The following LYST variants were observed in gnomAD, a reference collection of about 807,000 sequenced individuals.
The protein encoded by LYST is lysosomal trafficking regulator, also known as lysosomal-trafficking regulator.
In LYST, 192 loss-of-function variants were observed where a neutral mutation model predicts 413.6. That is an observed-to-expected ratio of 0.46 (90% CI 0.41 to 0.52). The LOEUF (loss-of-function observed/expected upper bound fraction) is 0.52. Ranked by LOEUF, LYST falls within the 20% of genes least tolerant of loss-of-function variation. The pLI, the probability that LYST is intolerant of heterozygous loss-of-function variation, is 0.00. For synonymous variants in LYST, 1,525 were observed against 1,567.3 expected (o/e 0.97, Z 0.64); for missense variants, 3,815 against 4,499.9 (o/e 0.85, Z 4.35).
In LYST at chr1:235,759,548, C is replaced by T. The variant is rs201095810; in HGVS notation, c.6305G>A (p.Arg2102His). 1.1e-5 allele frequency: 18 copies of T among 1,613,504 alleles called. No individual in the cohort carries two copies. Among genetic ancestry groups the T allele is most frequent in the East Asian group, 1.1e-4 (5 of 44,864 alleles). The change falls in exon 23 of 53, where the codon CGT becomes CAT. Residue 2102 changes from arginine to histidine, a missense_variant. By Grantham distance (29) the Arg-to-His change is conservative (BLOSUM62 0). Around this residue, in one of 4 missense-constraint regions of LYST, gnomAD observed 530 missense variants for 696.5 expected, o/e 0.76. Coordinates refer to ENST00000389793, the MANE Select transcript of LYST (RefSeq NM_000081.4). ...IPQQMAAHMLRSRSLPAFPTS... is the reference protein window; with the variant it reads ...IPQQMAAHMLHSRSLPAFPTS... Reference sequence around the variant, plus strand: ...AGGGAATGCTGGTAGGCTTCTAGAACGCAGCATATGGGCGGCCATCTGTTG... The same window carrying T: ...AGGGAATGCTGGTAGGCTTCTAGAATGCAGCATATGGGCGGCCATCTGTTG...
In LYST at chr1:235,830,408, C is replaced by T. The variant is rs141312203; in HGVS notation, c.10G>A (p.Asp4Asn). 49 of 1,611,656 alleles carry T rather than the reference C, an allele frequency of 3.0e-5. No individual in the cohort carries two copies. The African/African-American group carries it at 5.0e-4, about 16-fold the overall frequency. The change falls in exon 3 of 53, where the codon GAC becomes AAC. Residue 4 changes from aspartate to asparagine, a missense_variant. Around this residue, in one of 4 missense-constraint regions of LYST, gnomAD observed 1,648 missense variants for 1,810.3 expected, o/e 0.91. Transcript: ENST00000389793. MST[D>N]SNSLAREFLT... ...AATTCACGTGCCAGTGAGTTACTGT[C>T]GGTGCTCATGACCGAGCTATAAAAT... is the stretch of plus-strand genomic sequence containing the variant.
rs747022808 is a variant in LYST, at chr1:235,808,921, T to A, written c.1897A>T (p.Lys633Ter). ...LGGAEISPKI[K>*]KAACNICTVD... ...GTACAAATATTACAAGCTGCTTTTT[T>A]AATTTTTGGTGATATCTCTGCTCCT... is the stretch of plus-strand genomic sequence containing the variant. Residue 633 changes from lysine (K) to a stop codon, truncating the protein, a stop_gained, in exon 5 of 53, where the codon AAA (lysine) becomes TAA (stop). Coordinates refer to ENST00000389793, the MANE Select transcript of LYST (RefSeq NM_000081.4). LOFTEE classifies it high-confidence loss of function. 3.7e-6 allele frequency: 6 copies of A among 1,612,538 alleles called. No individual in the cohort carries two copies. The Admixed American group carries it at 8.4e-5, about 22-fold the overall frequency.
At position 235,662,866 on chromosome 1, in the gene LYST, C is replaced by G. The variant is rs1359713975; in HGVS notation, c.*74G>C. 1.2e-6 allele frequency: 1 copy of G among 851,728 alleles called. No individual in the cohort carries two copies. Among genetic ancestry groups the G allele is most frequent in the African/African-American group, 1.7e-5 (1 of 60,416 alleles). The allele number at this position is 851,728 out of a possible 1,614,324, so 52.8% of individuals were successfully genotyped here. A position where few individuals can be genotyped will look rare whatever the true frequency, so the allele number is the denominator to read the frequency against. Reference sequence around the variant, plus strand: ...AGTCATCCATTTCTTTAGGTTCAACCTCCTAAAACTGGTGAAGTCAACAAA... The same window carrying G: ...AGTCATCCATTTCTTTAGGTTCAACGTCCTAAAACTGGTGAAGTCAACAAA... On this transcript the variant is annotated 3_prime_UTR_variant, in exon 53 of 53. Coordinates refer to ENST00000389793, the MANE Select transcript of LYST (RefSeq NM_000081.4).
intron 50 of LYST, among the ~76,000 whole-genome samples, chr1:235,665,603 ACTCTAT>A (rs1212661741): frequency 1.6e-5 from 2 of 121,276 alleles, no homozygotes; most frequent in Admixed American, 9.2e-5. Context: ...CAGAGCAGAG[ACTCTAT>A]CTCAAAAAAA....
intron 25 of LYST, among the ~76,000 whole-genome samples, chr1:235,755,262 G>A (rs879494492): frequency 2.0e-5 from 3 of 151,836 alleles, no homozygotes; most frequent in Non-Finnish European, 4.4e-5. Flanking sequence ...GGTGGTACGT[G>A]CCTGTAATCC....
intron 18 of LYST, 36 bp downstream of exon 18, chr1:235,774,877 T>G (rs201950277): frequency 1.5e-6 from 2 of 1,377,034 alleles, no homozygotes; most frequent in East Asian, 4.6e-5. Flanking sequence ...TATCACTGCA[T>G]ATGAAACTAT....
In LYST at chr1:235,730,856, T is replaced by G; in HGVS notation, c.9035A>C (p.Glu3012Ala). 1 of 1,601,984 alleles carries G rather than the reference T, an allele frequency of 6.2e-7. No homozygotes were observed. Among genetic ancestry groups the G allele is most frequent in the Non-Finnish European group, 8.6e-7 (1 of 1,169,088 alleles). ...ATTGATTCAAAGTTACCTTATAGAT[T>G]CACTTGCAGCTTTGTCTTTGACAGT... ...SSTVKDKAAS[E>A]SIRVNRRCIS... The change falls in exon 36 of 53, where the codon GAA (glutamate) becomes GCA (alanine). Residue 3012 changes from glutamate to alanine, a missense_variant. Physicochemically the swap from Glu to Ala is moderately radical, Grantham distance 107. This residue lies in a region of LYST where 866 missense variants were observed against 1,156.0 expected (regional missense o/e 0.75). Transcript: ENST00000389793.
chr1:235,804,647 T>G lies in LYST; in HGVS notation c.3412A>C (p.Ile1138Leu). 6.2e-7 allele frequency: 1 copy of G among 1,605,226 alleles called. No homozygotes were observed. Among genetic ancestry groups the G allele is most frequent in the African/African-American group, 1.3e-5 (1 of 74,828 alleles). Residue 1138 changes from isoleucine to leucine, a missense_variant, in exon 7 of 53, where the codon ATA becomes CTA. Physicochemically the swap from Ile to Leu is conservative, Grantham distance 5 (BLOSUM62 2). Around this residue, in one of 4 missense-constraint regions of LYST, gnomAD observed 1,648 missense variants for 1,810.3 expected, o/e 0.91. Coordinates refer to ENST00000389793, the MANE Select transcript of LYST (RefSeq NM_000081.4). Reference sequence around the variant, plus strand: ...AGATGGTCCCTCATTTCAAATAATATACTTTCCACAGACAAGTTCTAAGGT... The same window carrying G: ...AGATGGTCCCTCATTTCAAATAATAGACTTTCCACAGACAAGTTCTAAGGT... The part of the protein sequence containing the change: ...LPNQNLSVES[I>L]LFEMRDHLSQ...
At chr1:235,755,320 C>T (rs573872430) in intron 25 of LYST, among the ~76,000 whole-genome samples, 158 bp downstream of exon 25, 10 of 150,978 alleles carry the variant, frequency 6.6e-5, no homozygotes, top group African/African-American at 2.2e-4. Context: ...ACCTGGGAGG[C>T]GGAAGTTGCA....
At chr1:235,822,864 T>C (rs1315635733) in intron 3 of LYST, among the ~76,000 whole-genome samples, 2 of 152,196 alleles carry the variant, frequency 1.3e-5, no homozygotes, top group African/African-American at 4.8e-5. Flanking sequence ...AAGCTGAGTC[T>C]AGCCTACTGA....
At chr1:235,774,595 G>A (rs1294267251) in intron 18 of LYST, among the ~76,000 whole-genome samples, 1 of 152,124 alleles carries the variant, frequency 6.6e-6, no homozygotes, top group African/African-American at 2.4e-5. Context: ...CATAAGGGTG[G>A]GAGCTAAAGC....
At chr1:235,744,223 A>G in intron 29 of LYST, 66 bp from the exon 30 acceptor site, 2 of 827,542 alleles carry the variant, frequency 2.4e-6, no homozygotes, top group Non-Finnish European at 4.1e-6. Context: ...ATAAATAGTA[A>G]TAATACTGGT....
At chr1:235,720,468 GA>G (rs993418476) in intron 40 of LYST, among the ~76,000 whole-genome samples, 192 bp downstream of exon 40, 12 of 151,836 alleles carry the variant, frequency 7.9e-5, no homozygotes, top group African/African-American at 2.7e-4. Context: ...CCTTAAATAA[GA>G]AAAAAAAGTT....
intron 1 of LYST, among the ~76,000 whole-genome samples, chr1:235,840,513 A>G (rs1283742114): frequency 6.6e-6 from 1 of 152,226 alleles, no homozygotes; most frequent in Non-Finnish European, 1.5e-5. Context: ...AGAATCACCT[A>G]TAGAGTTTGT....
At chr1:235,680,473 G>A (rs1180473720) in intron 48 of LYST, among the ~76,000 whole-genome samples, 1 of 151,852 alleles carries the variant, frequency 6.6e-6, no homozygotes, top group East Asian at 1.9e-4. Flanking sequence ...TGCTGCCCAA[G>A]CTGGTCTCAA....
At chr1:235,847,076 G>A (rs950114438) in intron 1 of LYST, among the ~76,000 whole-genome samples, 1 of 152,144 alleles carries the variant, frequency 6.6e-6, no homozygotes, top group Admixed American at 6.6e-5. Context: ...ACATTGTCAT[G>A]AGGTTATCCA....
At chr1:235,864,743 GC>G (rs1172227463) in intron 1 of LYST, among the ~76,000 whole-genome samples, 2 of 152,194 alleles carry the variant, frequency 1.3e-5, no homozygotes, top group African/African-American at 4.8e-5. Flanking sequence ...ACCAGCCTGG[GC>G]AACAATGGCG....
chr1:235,822,987 C>T (rs1674927289), intron 3 of LYST, among the ~76,000 whole-genome samples: 1 of 152,206 alleles, frequency 6.6e-6, no homozygotes, highest in Non-Finnish European at 1.5e-5. Flanking sequence ...GCTGATACCT[C>T]AAGGAGCCAA....
At chr1:235,667,808 G>A (rs112333904) in intron 50 of LYST, among the ~76,000 whole-genome samples, 2,342 of 152,082 alleles carry the variant, frequency 0.015, 60 homozygotes, top group African/African-American at 0.053. Flanking sequence ...GACTACAGGC[G>A]AGTGCCACCA....
Sources: gnomAD v4.1 joint callset for allele counts (sites outside exome capture counted in the v4.1 genomes callset) on GRCh38, gnomAD v4.1.1 for gene constraint, gnomAD v4.1.1 regional missense constraint, MANE v1.5 for transcripts, NCBI Gene and HGNC (gene_info 2026-07-23, HGNC 2026-07-21) for gene names.